The following TOX4 variants were observed in gnomAD, a reference collection of about 807,000 sequenced individuals.
The protein encoded by TOX4 is epidermal Langerhans cell protein LCP1.
In TOX4, 12 loss-of-function variants were observed where a neutral mutation model predicts 61.0. The ratio of observed to expected loss-of-function variants is 0.20; its 90% confidence interval spans 0.13 to 0.32. The LOEUF is 0.32. Ranked by LOEUF, TOX4 falls within the 10% of genes least tolerant of loss-of-function variation. TOX4 has a pLI of 1.00. For synonymous variants in TOX4, 268 were observed against 274.8 expected, an observed-to-expected ratio of 0.98 and a Z score of 0.24; for missense variants, 499 against 753.3, an observed-to-expected ratio of 0.66 and a Z score of 3.95.
At chr14:21,491,730 G>A (rs989896374) in intron 5 of TOX4, among the ~76,000 whole-genome samples, 3 of 150,786 alleles carry the variant, frequency 2.0e-5, no homozygotes, top group Non-Finnish European at 3.0e-5. Context: ...AGCTATTCTC[G>A]GCCAGGCGTG....
intron 2 of TOX4, among the ~76,000 whole-genome samples, chr14:21,478,009 T>C (rs920828691): frequency 6.6e-6 from 1 of 152,226 alleles, no homozygotes; most frequent in Non-Finnish European, 1.5e-5. Context: ...CGATCTCGGC[T>C]CACTGCAACC....
chr14:21,479,048 T>C lies in TOX4; in HGVS notation c.75+1484T>C, dbSNP rs1246479852. ...AGGCTCTTTAACTCCTGGCCTCAAG[T>C]GATCTGCCCGCCTCAGCCTCCTAAA... On this transcript the variant is annotated intron_variant, in intron 2 of 8. Transcript: ENST00000448790. Among the ~76,000 whole-genome samples the C allele has an allele frequency of 2.0e-5, 3 of 150,534 alleles. No homozygotes were observed. In the East Asian group the frequency reaches 5.9e-4, roughly 29 times the overall value.
At chr14:21,481,461 G>A (rs925869806) in intron 2 of TOX4, among the ~76,000 whole-genome samples, 2 of 152,172 alleles carry the variant, frequency 1.3e-5, no homozygotes, top group East Asian at 1.9e-4. Context: ...TTATAGCTGT[G>A]AGCCACCTTG....
At chr14:21,487,754 A>G (rs1475555602) in intron 3 of TOX4, 61 bp downstream of exon 3, 2 of 1,535,942 alleles carry the variant, frequency 1.3e-6, no homozygotes, top group Non-Finnish European at 8.8e-7. Flanking sequence ...AGGGGAGACA[A>G]AGTTACTCTA....
chr14:21,488,564 T>A, intron 3 of TOX4, 26 bp from the exon 4 acceptor site: 2 of 1,598,580 alleles, frequency 1.3e-6, no homozygotes, highest in Non-Finnish European at 1.7e-6. Flanking sequence ...TATTTAGTGT[T>A]TAATTAGTCC....
Position 21,494,530 on chromosome 14 carries a change from G to A in TOX4, c.1642-699G>A, listed in dbSNP as rs559017222. ...TGGGAGGCCGAGGTGGGCGGATCAC[G>A]AGGTCAGGAGATCGAGACCATCCTG... On this transcript the variant is annotated intron_variant, in intron 7 of 8. Coordinates refer to ENST00000448790, the MANE Select transcript of TOX4 (RefSeq NM_014828.4). Among the ~76,000 whole-genome samples, 6 of 152,084 alleles carry A rather than the reference G, an allele frequency of 3.9e-5. No homozygotes were observed. In the South Asian group the frequency reaches 1.0e-3, roughly 26 times the overall value.
Position 21,492,961 on chromosome 14 carries a change from C to A in TOX4, c.1345C>A (p.Gln449Lys). 1.2e-6 allele frequency: 2 copies of A among 1,613,662 alleles called. No individual in the cohort carries two copies. The highest frequency in any genetic ancestry group is 1.7e-6 in the Non-Finnish European group (2 of 1,179,792). The change falls in exon 7 of 9, where the codon CAA becomes AAA. Residue 449 changes from glutamine (Q) to lysine (K), a missense_variant. Gln to Lys is a moderately conservative substitution (Grantham distance 53, BLOSUM62 1). Around this residue, in one of 7 missense-constraint regions of TOX4, gnomAD observed 296 missense variants for 404.7 expected, o/e 0.73. Transcript: ENST00000448790. ...PPPRLQPPPL[Q>K]QMPQPPTQQQ... ...ACCCCGACTACAGCCCCCTCCATTA[C>A]AACAGATGCCACAGCCCCCGACTCA... is the stretch of plus-strand genomic sequence containing the variant.
intron 2 of TOX4, among the ~76,000 whole-genome samples, chr14:21,483,867 ATGTG>A (rs1209908589): frequency 2.0e-5 from 3 of 151,588 alleles, no homozygotes; most frequent in African/African-American, 7.3e-5. Context: ...GAGTGCAGTG[ATGTG>A]ATCTTGGCTC....
chr14:21,487,399 ATGCCATTT>A, intron 2 of TOX4, 44 bp from the exon 3 acceptor site: 1 of 1,590,420 alleles, frequency 6.3e-7, no homozygotes, highest in Non-Finnish European at 8.6e-7. Context: ...ACTTAGTAGT[ATGCCATTT>A]CTCCTCTTTT....
chr14:21,499,158 G>A lies in TOX4; in HGVS notation c.*2552G>A, dbSNP rs371287111. ...CGAACCTAGGAAATAAAAACTAGCT[G>A]CTTTTTAAGTTACACAAGATTGCAA... On this transcript the variant is annotated 3_prime_UTR_variant, in exon 9 of 9. Coordinates refer to ENST00000448790, the MANE Select transcript of TOX4 (RefSeq NM_014828.4). The A allele has an allele frequency of 3.0e-5, 48 of 1,598,044 alleles. No homozygotes were observed. In the African/African-American group the frequency reaches 5.6e-4, roughly 19 times the overall value.
intron 2 of TOX4, among the ~76,000 whole-genome samples, chr14:21,480,229 A>G: frequency 6.8e-6 from 1 of 147,530 alleles, no homozygotes; most frequent in Non-Finnish European, 1.5e-5. Flanking sequence ...TAATATTATA[A>G]TAAAAAAGAA....
At position 21,490,039 on chromosome 14, in the gene TOX4, T is replaced by A. The variant is rs139388820; in HGVS notation, c.810+636T>A. On this transcript the variant is annotated intron_variant, in intron 5 of 8. Transcript: ENST00000448790. ...CTCACAGAAAATTAGCTGGGTGTGG[T>A]GGCATGTGCCTTTGGTCCCAGCTGT... 6.6e-5 allele frequency among the ~76,000 whole-genome samples: 10 copies of A among 151,918 alleles called. No homozygotes were observed. In the East Asian group the frequency reaches 2.0e-3, roughly 30 times the overall value.
intron 2 of TOX4, among the ~76,000 whole-genome samples, chr14:21,484,308 A>G (rs1891160008): frequency 7.2e-6 from 1 of 139,338 alleles, no homozygotes; most frequent in African/African-American, 2.6e-5. Context: ...TGCTAGCTGG[A>G]AATTTTCTTT....
intron 4 of TOX4, 151 bp from the exon 5 acceptor site, chr14:21,489,022 A>G (rs763776976): frequency 9.9e-5 from 118 of 1,197,220 alleles, no homozygotes; most frequent in Non-Finnish European, 1.4e-4. Context: ...CTCAATCCCT[A>G]TTCTTATTGG....
chr14:21,495,221 T>G lies in TOX4; in HGVS notation c.1642-8T>G. On this transcript the variant is annotated splice_polypyrimidine_tract_variant and splice_region_variant and intron_variant, in intron 7 of 8. Coordinates refer to ENST00000448790, the MANE Select transcript of TOX4 (RefSeq NM_014828.4). ...TAATCCACCTTGGTACTCTTCTTCT[T>G]CTCACAGGTTGAGTCTCCTTCTCAG... 6.2e-7 allele frequency: 1 copy of G among 1,613,512 alleles called. No homozygotes were observed. Among genetic ancestry groups the G allele is most frequent in the African/African-American group, 1.3e-5 (1 of 75,030 alleles).
chr14:21,487,674 T>C lies in TOX4; in HGVS notation c.299T>C (p.Leu100Pro). 6.2e-7 allele frequency: 1 copy of C among 1,612,356 alleles called. No individual in the cohort carries two copies. The highest frequency in any genetic ancestry group is 2.2e-5 in the East Asian group (1 of 44,804). Reference sequence around the variant, plus strand: ...TTGATGGAGCAGGGCGGGGGGCTCCTGAGTGGGGGCTTGACCATGGTAAGG... The same window carrying C: ...TTGATGGAGCAGGGCGGGGGGCTCCCGAGTGGGGGCTTGACCATGGTAAGG... ...HGLMEQGGGLLSGGLTMDLDH... is the reference protein window; with the variant it reads ...HGLMEQGGGLPSGGLTMDLDH... The change falls in exon 3 of 9, where the codon CTG (leucine) becomes CCG (proline). Residue 100 changes from leucine to proline, a missense_variant. Leu to Pro is a moderately conservative substitution (Grantham distance 98). Around this residue, in one of 7 missense-constraint regions of TOX4, gnomAD observed 90 missense variants for 109.5 expected, o/e 0.82. Coordinates refer to ENST00000448790, the MANE Select transcript of TOX4 (RefSeq NM_014828.4).
At chr14:21,490,399 C>T (rs1187388336) in intron 5 of TOX4, among the ~76,000 whole-genome samples, 1 of 152,044 alleles carries the variant, frequency 6.6e-6, no homozygotes, top group African/African-American at 2.4e-5. Flanking sequence ...TGCTTGAACC[C>T]GGGAGGCAGA....
chr14:21,496,652 T>C lies in TOX4; in HGVS notation c.*46T>C, dbSNP rs370150920. On this transcript the variant is annotated 3_prime_UTR_variant, in exon 9 of 9. Coordinates refer to ENST00000448790, the MANE Select transcript of TOX4 (RefSeq NM_014828.4). ...AGTGAAGAGTTATCTGCTGGGAAAGTGTCCAAGAGCCTGTTTTTGAAACAC... is the reference window on the plus strand; with the variant it reads ...AGTGAAGAGTTATCTGCTGGGAAAGCGTCCAAGAGCCTGTTTTTGAAACAC... 6.2e-5 allele frequency: 96 copies of C among 1,560,464 alleles called. No individual in the cohort carries two copies. Among genetic ancestry groups the C allele is most frequent in the Middle Eastern group, 4.6e-4 (2 of 4,360 alleles).
rs757263928 is a variant in TOX4, at chr14:21,481,832, A to G, written c.75+4268A>G. ...AGACAGACATAAAAGAGAAGACACT[A>G]TATTCGTTCATATTTTTTAATGAGG... On this transcript the variant is annotated intron_variant, in intron 2 of 8. Transcript: ENST00000448790. Among the ~76,000 whole-genome samples, 14 of 152,334 alleles carry G rather than the reference A, an allele frequency of 9.2e-5. No homozygotes were observed. In the East Asian group the frequency reaches 1.5e-3, roughly 17 times the overall value.
Sources: gnomAD v4.1 joint callset for allele counts (sites outside exome capture counted in the v4.1 genomes callset) on GRCh38, gnomAD v4.1.1 for gene constraint, gnomAD v4.1.1 regional missense constraint, MANE v1.5 for transcripts, NCBI Gene and HGNC (gene_info 2026-07-23, HGNC 2026-07-21) for gene names.